FMN2: variants seen among roughly 807,000 people sequenced by gnomAD.
The protein encoded by FMN2 is formin 2, also known as formin-2.
A neutral mutation model predicts 142.3 loss-of-function variants in FMN2; 51 were observed. The ratio of observed to expected loss-of-function variants is 0.36; its 90% CI spans 0.29 to 0.45. FMN2 has a LOEUF of 0.45. FMN2 is among the 20% of genes least tolerant of loss of function. The probability of loss-of-function intolerance (pLI) is 1.00; values close to 1 mark genes in which losing one functional copy is unlikely to be tolerated. For synonymous variants in FMN2, 882 were observed against 869.8 expected (o/e 1.01, Z -0.25); for missense variants, 1,936 against 2,122.8 (o/e 0.91, Z 1.73).
chr1:240,474,152 T>C lies in FMN2; in HGVS notation c.5167T>C (p.Ter1723ArgextTer21), dbSNP rs756715494. ...GAAAGCAAAGATAAGCATGAAAACT[T>C]GAACAATGAAAAGCAGAATGAAAAT... is the stretch of plus-strand genomic sequence containing the variant. ...GIKAKISMKT* is the reference protein window; with the variant it reads ...GIKAKISMKTR The change falls in exon 18 of 18, where the codon TGA (stop) becomes CGA (arginine). Residue 1723 changes from the stop codon to arginine, a stop_lost. Transcript: ENST00000319653. 3.2e-6 allele frequency: 5 copies of C among 1,555,300 alleles called. No homozygotes were observed.
intron 2 of FMN2, among the ~76,000 whole-genome samples, chr1:240,139,477 G>A (rs548029909): frequency 6.6e-6 from 1 of 152,144 alleles, no homozygotes; most frequent in African/African-American, 2.4e-5. Flanking sequence ...GCTCTGGAAA[G>A]TGCCAGTAGA....
chr1:240,330,500 C>T (rs531393925), intron 10 of FMN2, 103 bp from the exon 11 acceptor site: 4 of 1,242,636 alleles, frequency 3.2e-6, no homozygotes, highest in Admixed American at 5.2e-5. Context: ...CGGTTGTGAC[C>T]CAAAACTCCT....
intron 4 of FMN2, among the ~76,000 whole-genome samples, chr1:240,204,650 C>G (rs1446599481): frequency 6.6e-6 from 1 of 152,152 alleles, no homozygotes; most frequent in Non-Finnish European, 1.5e-5. Flanking sequence ...ACGCAGGAGG[C>G]TGAGGCAGTA....
chr1:240,109,154 T>G (rs1661716286), intron 1 of FMN2, among the ~76,000 whole-genome samples: 1 of 152,234 alleles, frequency 6.6e-6, no homozygotes, highest in Non-Finnish European at 1.5e-5. Flanking sequence ...AATGCTATCA[T>G]AGGACATAAA....
intron 4 of FMN2, among the ~76,000 whole-genome samples, chr1:240,189,637 TC>T (rs1665624913): frequency 6.6e-6 from 1 of 152,256 alleles, no homozygotes; most frequent in African/African-American, 2.4e-5. Context: ...AGGTTAGCTA[TC>T]CTTAAGGACA....
At chr1:240,390,733 A>G (rs1421161173) in intron 14 of FMN2, among the ~76,000 whole-genome samples, 1 of 152,220 alleles carries the variant, frequency 6.6e-6, no homozygotes, top group African/African-American at 2.4e-5. Flanking sequence ...GAATCTGCCT[A>G]AAGTCACAGA....
chr1:240,185,806 C>T (rs1665421451), intron 3 of FMN2, among the ~76,000 whole-genome samples: 1 of 152,086 alleles, frequency 6.6e-6, no homozygotes, highest in Non-Finnish European at 1.5e-5. Context: ...GGTACAAAGC[C>T]AAGACTTGTC....
At chr1:240,210,719 C>T (rs959097620) in intron 5 of FMN2, among the ~76,000 whole-genome samples, 3 of 152,098 alleles carry the variant, frequency 2.0e-5, no homozygotes, top group African/African-American at 4.8e-5. Context: ...TATTTTTTAA[C>T]CCATGAATAA....
At chr1:240,170,488 TA>T in intron 2 of FMN2, 1 of 1,484,156 alleles carries the variant, frequency 6.7e-7, no homozygotes, top group Non-Finnish European at 9.4e-7. Context: ...GTCTAAATCC[TA>T]AAACTAACCT....
In FMN2 at chr1:240,393,059, G is replaced by A. The variant is rs147858295; in HGVS notation, c.4910+497G>A. On this transcript the variant is annotated intron_variant, in intron 15 of 17. Transcript: ENST00000319653. ...CTTCTTCTCGCATCTCTCTATATACGTCAGGGTTCTGTAGAAAAAAAGAAC... is the reference window on the plus strand; with the variant it reads ...CTTCTTCTCGCATCTCTCTATATACATCAGGGTTCTGTAGAAAAAAAGAAC... 1.8e-3 allele frequency among the ~76,000 whole-genome samples: 266 copies of A among 151,894 alleles called. 2 individuals are homozygous for A. The highest frequency in any genetic ancestry group is 6.2e-3 in the African/African-American group (258 of 41,396).
chr1:240,407,865 G>A (rs1558475903), intron 15 of FMN2, among the ~76,000 whole-genome samples: 1 of 152,272 alleles, frequency 6.6e-6, no homozygotes, highest in Non-Finnish European at 1.5e-5. Flanking sequence ...ATGAAAATAT[G>A]TTTTAATCCC....
intron 2 of FMN2, among the ~76,000 whole-genome samples, chr1:240,138,479 C>T (rs1325767763): frequency 7.9e-5 from 12 of 151,832 alleles, no homozygotes; most frequent in Non-Finnish European, 1.5e-5. Context: ...GCGGGCGGAT[C>T]ACTTAAGGTC....
rs568813967 is a variant in FMN2, at chr1:240,093,471, G to C, written c.1362G>C (p.Gly454=). The C allele has an allele frequency of 3.1e-6, 5 of 1,611,918 alleles. No homozygotes were observed. The South Asian group carries it at 4.4e-5, about 14-fold the overall frequency. Residue 454 remains glycine (G), a synonymous_variant, in exon 1 of 18, where the codon GGG becomes GGC. Transcript: ENST00000319653. ...GGCCGGAACCCTCCCTGAGCCGAGG[G>C]TCCAGAACTGCCCTGGCCTCCGTAG... ...KRRPEPSLSR[G]SRTALASVAA... is the part of the protein sequence containing the mutation.
At chr1:240,256,153 C>T (rs1668443499) in intron 6 of FMN2, among the ~76,000 whole-genome samples, 1 of 152,028 alleles carries the variant, frequency 6.6e-6, no homozygotes, top group Admixed American at 6.6e-5. Flanking sequence ...CATGATTCAG[C>T]CCGGATTGCA....
chr1:240,433,532 G>C (rs1240858650), intron 15 of FMN2, among the ~76,000 whole-genome samples: 1 of 152,166 alleles, frequency 6.6e-6, no homozygotes, highest in Non-Finnish European at 1.5e-5. Flanking sequence ...TCAACGCAGA[G>C]CTTAGCCCTA....
chr1:240,148,377 GAGAGAA>G (rs1435154494), intron 2 of FMN2, among the ~76,000 whole-genome samples: 8 of 145,086 alleles, frequency 5.5e-5, no homozygotes, highest in African/African-American at 2.0e-4. Flanking sequence ...CAGAGAGAGA[GAGAGAA>G]AGACAGAGAG....
rs529425273 is a variant in FMN2 at position 240,453,995 on chromosome 1, C to CAA, written c.5060+15808_5060+15809dup. On this transcript the variant is annotated intron_variant, in intron 16 of 17. Coordinates refer to ENST00000319653, the MANE Select transcript of FMN2 (RefSeq NM_020066.5). ...TGGGCGACAGAGCGAGACTCTGCCT[C>CAA]AAAAAAAAAAAAAAAAAAAAAAAAT... Among the ~76,000 whole-genome samples the CAA allele has an allele frequency of 5.8e-3, 43 of 7,356 alleles. 1 individual carries two copies. The highest frequency in any genetic ancestry group is 8.0e-3 in the Non-Finnish European group (24 of 2,994). The allele number at this position is 7,356 out of a possible 152,430, so 4.8% of individuals were successfully genotyped here. A position where few individuals can be genotyped will look rare whatever the true frequency, so the allele number is the denominator to read the frequency against.
rs1324592460 is a variant in FMN2 at position 240,229,906 on chromosome 1, A to G, written c.4065+18671A>G. 2.3e-5 allele frequency among the ~76,000 whole-genome samples: 3 copies of G among 131,684 alleles called. 1 individual carries two copies. The highest frequency in any genetic ancestry group is 9.7e-5 in the African/African-American group (3 of 30,786). The allele number at this position is 131,684 out of a possible 152,430, so 86.4% of individuals were successfully genotyped here. On this transcript the variant is annotated intron_variant, in intron 6 of 17. Transcript: ENST00000319653. ...GGTAATCCACTCACCTCAGCCTCCC[A>G]AAGTGCTAGGATTACAGGTATGAGC...
chr1:240,143,577 G>A lies in FMN2; in HGVS notation c.1782+20232G>A, dbSNP rs1663289676. 9 of 1,606,146 alleles carry A rather than the reference G, an allele frequency of 5.6e-6. No homozygotes were observed. In the Admixed American group the frequency reaches 1.5e-4, roughly 27 times the overall value. On this transcript the variant is annotated intron_variant, in intron 2 of 17. Transcript: ENST00000319653. The stretch of plus-strand genomic sequence containing the variant: ...GCTGCACCTTCAGCACATTCCCAGA[G>A]CCTGCCTATGCACACACATCTACCA...
Sources: gnomAD v4.1 joint callset for allele counts (sites outside exome capture counted in the v4.1 genomes callset) on GRCh38, gnomAD v4.1.1 for gene constraint, MANE v1.5 for transcripts, NCBI Gene and HGNC (gene_info 2026-07-23, HGNC 2026-07-21) for gene names.